The following PPP1R1C variants were observed in gnomAD, a reference collection of about 807,000 sequenced individuals.
PPP1R1C encodes protein phosphatase 1 regulatory subunit 1C.
PPP1R1C carries 15 observed loss-of-function variants against 17.4 expected under a neutral mutation model. The ratio of observed to expected loss-of-function variants is 0.86; its 90% CI spans 0.58 to 1.33. The LOEUF is 1.33. Among genes scored for constraint, PPP1R1C ranks in the 40% most tolerant of loss-of-function variants. The pLI is 0.00. For missense variants in PPP1R1C, 143 were observed against 130.0 expected, an observed-to-expected ratio of 1.10 and a Z score of -0.48; for synonymous variants, 35 against 43.1, an observed-to-expected ratio of 0.81 and a Z score of 0.73.
At chr2:182,113,667 C>CTT (rs770510284) in intron 4 of PPP1R1C, among the ~76,000 whole-genome samples, 5 of 145,236 alleles carry the variant, frequency 3.4e-5, no homozygotes, top group Non-Finnish European at 7.6e-5. Context: ...CCCTTATACT[C>CTT]TTTTTTTTTT....
chr2:182,002,499 G>T (rs996141557), intron 2 of PPP1R1C, among the ~76,000 whole-genome samples: 1 of 151,856 alleles, frequency 6.6e-6, no homozygotes, highest in Non-Finnish European at 1.5e-5. Context: ...TGTTTCCACA[G>T]AAGTTATTGG....
At chr2:182,036,956 G>GA (rs909156881) in intron 2 of PPP1R1C, among the ~76,000 whole-genome samples, 2 of 152,070 alleles carry the variant, frequency 1.3e-5, no homozygotes, top group Non-Finnish European at 2.9e-5. Flanking sequence ...ACACAAAGGT[G>GA]AAAAAAGGAA....
In PPP1R1C at chr2:181,961,433, C is replaced by T; in HGVS notation, n.111+6799C>T. 1 of 783,854 alleles carries T rather than the reference C, an allele frequency of 1.3e-6. No homozygotes were observed. Among genetic ancestry groups the T allele is most frequent in the South Asian group, 1.4e-5 (1 of 69,160 alleles). 48.6% of individuals were successfully genotyped at this position (783,854 alleles called of 1,614,324 possible). A position where few individuals can be genotyped will look rare whatever the true frequency, so the allele number is the denominator to read the frequency against. On this transcript the variant is annotated intron_variant and non_coding_transcript_variant, in intron 1 of 5. Coordinates refer to the PPP1R1C transcript ENST00000464264. The surrounding 1 kb of genome is among the most constrained non-coding windows in gnomAD (Gnocchi z 5.8). ...TGCTGTCCCTCTGCCCGGCTCTGTG[C>T]CATCTCTGACTCCAGGTGCAGCAGG...
intron 2 of PPP1R1C, among the ~76,000 whole-genome samples, chr2:182,005,594 T>TCTATCTGTAACTAGGGG (rs1685896193): frequency 6.6e-6 from 1 of 152,240 alleles, no homozygotes; most frequent in Non-Finnish European, 1.5e-5. Flanking sequence ...GCAAATTGTT[T>TCTATCTGTAACTAGGGG]CTATCTGTAA....
At chr2:181,990,777 G>A (rs1685453637) in intron 2 of PPP1R1C, among the ~76,000 whole-genome samples, 2 of 152,162 alleles carry the variant, frequency 1.3e-5, no homozygotes, top group Admixed American at 6.5e-5. Context: ...ACACTCATAA[G>A]TGTTAAATGA....
At chr2:182,080,693 A>T (rs769326873) in intron 4 of PPP1R1C, among the ~76,000 whole-genome samples, 13 of 151,626 alleles carry the variant, frequency 8.6e-5, no homozygotes, top group Non-Finnish European at 1.6e-4. Context: ...ATACAAGCTG[A>T]CTCATTGCAG....
At chr2:182,015,184 A>G (rs921513719) in intron 2 of PPP1R1C, among the ~76,000 whole-genome samples, 1 of 152,042 alleles carries the variant, frequency 6.6e-6, no homozygotes, top group Non-Finnish European at 1.5e-5. Flanking sequence ...CATAATTCCC[A>G]TATGTTGTGG....
chr2:181,998,590 G>A (rs1202314833), intron 2 of PPP1R1C, among the ~76,000 whole-genome samples: 3 of 152,130 alleles, frequency 2.0e-5, no homozygotes, highest in Non-Finnish European at 4.4e-5. Context: ...AAAAGGAAAC[G>A]AACAGAAGAA....
At chr2:182,036,879 C>T (rs1196209493) in intron 2 of PPP1R1C, among the ~76,000 whole-genome samples, 1 of 152,090 alleles carries the variant, frequency 6.6e-6, no homozygotes, top group African/African-American at 2.4e-5. Context: ...GATTTTTATC[C>T]TACCCTTCTG....
At chr2:181,965,616 A>G (rs537093259) in intron 1 of PPP1R1C, among the ~76,000 whole-genome samples, 2 of 152,194 alleles carry the variant, frequency 1.3e-5, no homozygotes, top group East Asian at 1.9e-4. Flanking sequence ...GTAGCTGTGT[A>G]TATTTGTTTC....
intron 2 of PPP1R1C, among the ~76,000 whole-genome samples, chr2:182,038,088 A>G (rs542705975): frequency 2.6e-4 from 40 of 152,136 alleles, no homozygotes; most frequent in South Asian, 1.0e-3. Context: ...CCCAGGCTGG[A>G]GTGCAGTGGC....
intron 2 of PPP1R1C, among the ~76,000 whole-genome samples, chr2:182,042,649 G>A (rs142638755): frequency 6.6e-6 from 1 of 152,290 alleles, no homozygotes; most frequent in African/African-American, 2.4e-5. Flanking sequence ...TGTGGCATGA[G>A]GTTGAGGTGG....
intron 5 of PPP1R1C, among the ~76,000 whole-genome samples, chr2:182,127,338 T>G (rs191713422): frequency 5.3e-5 from 8 of 152,210 alleles, no homozygotes; most frequent in Admixed American, 4.6e-4. Context: ...TAGAGAATTT[T>G]TCTTCAAATT....
intron 2 of PPP1R1C, chr2:181,975,273 G>A (rs575690222): frequency 6.7e-6 from 1 of 148,904 alleles, no homozygotes; most frequent in African/African-American, 2.5e-5. Flanking sequence ...AGGTAAGACT[G>A]GGCAAGACTT....
chr2:182,018,264 G>A (rs755010167), intron 2 of PPP1R1C, among the ~76,000 whole-genome samples: 10 of 152,082 alleles, frequency 6.6e-5, no homozygotes, highest in South Asian at 2.1e-4. Context: ...TCTGATTAGC[G>A]AGCTTACAAA....
At chr2:182,086,942 A>AC (rs1688645914) in intron 4 of PPP1R1C, among the ~76,000 whole-genome samples, 2 of 151,642 alleles carry the variant, frequency 1.3e-5, no homozygotes, top group Non-Finnish European at 1.5e-5. Context: ...AAAAAAAAAA[A>AC]CAAAAACACT....
chr2:182,091,500 G>T (rs1688780374), intron 4 of PPP1R1C, among the ~76,000 whole-genome samples: 1 of 151,586 alleles, frequency 6.6e-6, no homozygotes, highest in Non-Finnish European at 1.5e-5. Context: ...AAAAAAAAAG[G>T]TAAATACACT....
intron 2 of PPP1R1C, among the ~76,000 whole-genome samples, chr2:182,023,180 C>A (rs1686483014): frequency 6.6e-6 from 1 of 152,084 alleles, no homozygotes; most frequent in Non-Finnish European, 1.5e-5. Context: ...TTTGTCAATG[C>A]TCAGTGATGC....
Position 181,987,971 on chromosome 2 carries a change from C to T in PPP1R1C, c.142+72C>T, listed in dbSNP as rs755368158. ...GTTTAAAGAACATCAAAGTACATGT[C>T]GTACTGAAAAGTTTCAATTTAGGAT... On this transcript the variant is annotated intron_variant, in intron 2 of 4. Transcript: ENST00000682840. The T allele has an allele frequency of 5.1e-5, 66 of 1,295,224 alleles. 1 individual carries two copies. Among genetic ancestry groups the T allele is most frequent in the Admixed American group, 1.6e-4 (7 of 44,494 alleles). 80.2% of individuals were successfully genotyped at this position (1,295,224 alleles called of 1,614,324 possible).
Sources: gnomAD v4.1 joint callset for allele counts (sites outside exome capture counted in the v4.1 genomes callset) on GRCh38, gnomAD v4.1.1 for gene constraint, Gnocchi (gnomAD v3.1) non-coding constraint, MANE v1.5 for transcripts, NCBI Gene and HGNC (gene_info 2026-07-23, HGNC 2026-07-21) for gene names.